The following MCCC1 variants were observed in gnomAD, a reference collection of about 807,000 sequenced individuals.
MCCC1 encodes the protein methylcrotonyl-CoA carboxylase subunit 1.
MCCC1 carries 64 observed loss-of-function variants against 83.8 expected under a neutral mutation model. The observed-to-expected ratio is 0.76, with a 90% CI of 0.62 to 0.94. MCCC1 has a LOEUF of 0.94. Among genes scored for constraint, MCCC1 ranks in the 40% least tolerant of loss-of-function variants. The pLI is 0.00. For synonymous variants in MCCC1, 322 were observed against 315.4 expected (o/e 1.02, Z -0.22); for missense variants, 807 against 904.7 (o/e 0.89, Z 1.39).
At chr3:183,076,430 G>C (rs1717081057) in intron 4 of MCCC1, among the ~76,000 whole-genome samples, 1 of 152,024 alleles carries the variant, frequency 6.6e-6, no homozygotes, top group Non-Finnish European at 1.5e-5. Context: ...CCATTCATTT[G>C]AATTATTTTC....
At chr3:183,028,023 C>A (rs1357205977) in intron 14 of MCCC1, among the ~76,000 whole-genome samples, 1 of 152,186 alleles carries the variant, frequency 6.6e-6, no homozygotes, top group Non-Finnish European at 1.5e-5. Context: ...CTAGGACTTT[C>A]ATAGCTGGAG....
intron 15 of MCCC1, among the ~76,000 whole-genome samples, chr3:183,024,629 C>T (rs78442270): frequency 7.5e-6 from 1 of 132,988 alleles, no homozygotes; most frequent in African/African-American, 2.7e-5. Flanking sequence ...AAAAAAAAAA[C>T]AAAACCCCAG....
chr3:183,056,652 A>T (rs1395876087), intron 8 of MCCC1, among the ~76,000 whole-genome samples: 1 of 152,256 alleles, frequency 6.6e-6, no homozygotes, highest in African/African-American at 2.4e-5. Flanking sequence ...TCAATTAATC[A>T]GATCATTCCA....
chr3:183,039,174 C>T, intron 11 of MCCC1, 39 bp from the exon 12 acceptor site: 1 of 1,568,532 alleles, frequency 6.4e-7, no homozygotes, highest in Non-Finnish European at 8.8e-7. Flanking sequence ...CAAGTCAAAA[C>T]ACGAAGGAAT....
chr3:183,102,750 C>T (rs1185253375), upstream of MCCC1, among the ~76,000 whole-genome samples: 3 of 111,328 alleles, frequency 2.7e-5, no homozygotes, highest in African/African-American at 1.0e-4. Flanking sequence ...GGTCTTAGAG[C>T]AGAGAAAGTT....
At chr3:183,102,263 G>T (rs959797297), upstream of MCCC1, among the ~76,000 whole-genome samples, 1 of 152,108 alleles carries the variant, frequency 6.6e-6, no homozygotes, top group African/African-American at 2.4e-5. Context: ...CTACTCGGGA[G>T]ACTGAGGCAG....
In MCCC1 at chr3:183,088,496, G is replaced by A. The variant is rs538103857; in HGVS notation, c.274-1708C>T. On this transcript the variant is annotated intron_variant, in intron 3 of 18. Coordinates refer to ENST00000265594, the MANE Select transcript of MCCC1 (RefSeq NM_020166.5). ...TGCTGGGATTACAGGCGTGAGCCATGGTGCCCAGCCTGTTTTTTACTTTTA... is the reference window on the plus strand; with the variant it reads ...TGCTGGGATTACAGGCGTGAGCCATAGTGCCCAGCCTGTTTTTTACTTTTA... Among the ~76,000 whole-genome samples, 6 of 152,164 alleles carry A rather than the reference G, an allele frequency of 3.9e-5. No individual in the cohort carries two copies. In the East Asian group the frequency reaches 1.2e-3, roughly 29 times the overall value.
At chr3:183,037,138 G>A (rs575513780) in intron 13 of MCCC1, 80 bp downstream of exon 13, 126 of 1,324,986 alleles carry the variant, frequency 9.5e-5, no homozygotes, top group Non-Finnish European at 1.3e-4. Context: ...AGAGGTCAGT[G>A]TGCCATACAG....
chr3:183,084,096 G>T (rs1365462894), intron 4 of MCCC1, among the ~76,000 whole-genome samples: 2 of 152,214 alleles, frequency 1.3e-5, no homozygotes, highest in Non-Finnish European at 2.9e-5. Context: ...TTCAGAGATG[G>T]GGTCTTGCTA....
chr3:183,023,929 C>T (rs939633072), intron 15 of MCCC1, among the ~76,000 whole-genome samples: 1 of 152,114 alleles, frequency 6.6e-6, no homozygotes, highest in African/African-American at 2.4e-5. Context: ...GTCCCTAATA[C>T]CCTTTTAGGG....
At position 183,029,139 on chromosome 3, in the gene MCCC1, G is replaced by A. The variant is rs544976489; in HGVS notation, c.1682-3335C>T. The stretch of plus-strand genomic sequence containing the variant: ...CAAACCTGTAATAACTCCAGAGTAT[G>A]CCTAGATTACATGAGTATGGAAATG... On this transcript the variant is annotated intron_variant, in intron 14 of 18. Transcript: ENST00000265594. 12 of 152,298 alleles carry A rather than the reference G, an allele frequency of 7.9e-5. No individual in the cohort carries two copies. The South Asian group carries it at 2.3e-3, about 29-fold the overall frequency. 9.4% of individuals were successfully genotyped at this position (152,298 alleles called of 1,614,324 possible).
rs150422863 is a variant in MCCC1 at position 183,072,513 on chromosome 3, A to G, written c.370-26T>C. 180 of 1,612,072 alleles carry G rather than the reference A, an allele frequency of 1.1e-4. No individual in the cohort carries two copies. In the African/African-American group the frequency reaches 2.1e-3, roughly 19 times the overall value. ...CTAGAAATGAGAAATAAAATAAAAA[A>G]TTTACTCATCAGTGCTCAACTGGCA... On this transcript the variant is annotated intron_variant, in intron 4 of 18. Coordinates refer to ENST00000265594, the MANE Select transcript of MCCC1 (RefSeq NM_020166.5).
intron 3 of MCCC1, among the ~76,000 whole-genome samples, chr3:183,087,378 T>A (rs1396925456): frequency 6.6e-6 from 1 of 152,200 alleles, no homozygotes; most frequent in Non-Finnish European, 1.5e-5. Context: ...AGGTGGGAGC[T>A]GCCTGTACCA....
At chr3:183,051,045 C>T (rs1714937089) in intron 9 of MCCC1, among the ~76,000 whole-genome samples, 1 of 152,184 alleles carries the variant, frequency 6.6e-6, no homozygotes, top group South Asian at 2.1e-4. Context: ...TTTGGAGCAA[C>T]AGGAAACCTC....
At chr3:183,099,533 C>G, upstream of MCCC1, 2 of 1,454,376 alleles carry the variant, frequency 1.4e-6, no homozygotes, top group Non-Finnish European at 1.9e-6. Flanking sequence ...AGCCTCGTGA[C>G]CCCCGCCGGC....
intron 4 of MCCC1, among the ~76,000 whole-genome samples, chr3:183,076,422 A>G (rs1717080936): frequency 6.6e-6 from 1 of 152,152 alleles, no homozygotes; most frequent in Non-Finnish European, 1.5e-5. Flanking sequence ...TTGTTTACCC[A>G]TTCATTTGAA....
chr3:183,085,852 C>T (rs1446484940), intron 4 of MCCC1, among the ~76,000 whole-genome samples: 2 of 151,982 alleles, frequency 1.3e-5, no homozygotes, highest in East Asian at 1.9e-4. Flanking sequence ...AACAAGGAAG[C>T]TTTCCTTCTC....
At chr3:183,113,808 G>A (rs931099206) in intron 1 of MCCC1, among the ~76,000 whole-genome samples, 1 of 152,130 alleles carries the variant, frequency 6.6e-6, no homozygotes, top group African/African-American at 2.4e-5. Context: ...AGAACCTGAG[G>A]AGGGAGTTGT....
chr3:183,089,696 C>A (rs1459096892), intron 3 of MCCC1, among the ~76,000 whole-genome samples: 1 of 151,772 alleles, frequency 6.6e-6, no homozygotes, highest in Non-Finnish European at 1.5e-5. Flanking sequence ...TTGGGAAATA[C>A]AATTAACAGT....
Sources: allele counts gnomAD v4.1 joint callset (sites outside exome capture counted in the v4.1 genomes callset), GRCh38; gene constraint gnomAD v4.1.1; transcripts MANE v1.5; gene names NCBI Gene and HGNC (gene_info 2026-07-23, HGNC 2026-07-21).